BIRC6: variants seen among roughly 807,000 people sequenced by gnomAD.
BIRC6 encodes the protein dual E2 ubiquitin-conjugating enzyme/E3 ubiquitin-protein ligase BIRC6.
BIRC6 carries 98 observed loss-of-function variants against 503.3 expected under a neutral mutation model. The observed-to-expected ratio is 0.19, with a 90% CI of 0.17 to 0.23. The LOEUF is 0.23. Ranked by LOEUF, BIRC6 falls within the 10% of genes least tolerant of loss-of-function variation. The probability of loss-of-function intolerance (pLI) is 1.00; values close to 1 mark genes in which losing one functional copy is unlikely to be tolerated. For synonymous variants in BIRC6, 2,240 were observed against 2,078.7 expected (o/e 1.08, Z -2.11); for missense variants, 5,360 against 5,806.0 (o/e 0.92, Z 2.50).
In BIRC6 at chr2:32,578,979, A is replaced by AATATATATATATAT. The variant is rs1407258691; in HGVS notation, c.13355+3624_13355+3625insTATATATATATATA. On this transcript the variant is annotated intron_variant, in intron 66 of 73. Transcript: ENST00000421745. ...GTTTACTACTTATTTTTATATACCTAATATATATATACACTTAATATATAT... is the reference window on the plus strand; with the variant it reads ...GTTTACTACTTATTTTTATATACCTAATATATATATATATATATATATATACACTTAATATATAT... Among the ~76,000 whole-genome samples the AATATATATATATAT allele has an allele frequency of 4.1e-3, 301 of 74,314 alleles. 37 individuals are homozygous for AATATATATATATAT. The highest frequency in any genetic ancestry group is 0.013 in the African/African-American group (209 of 16,554). The allele number at this position is 74,314 out of a possible 152,430, so 48.8% of individuals were successfully genotyped here.
At chr2:32,462,358 AAG>A (rs1302958112) in intron 23 of BIRC6, among the ~76,000 whole-genome samples, 1 of 152,256 alleles carries the variant, frequency 6.6e-6, no homozygotes, top group Non-Finnish European at 1.5e-5. Context: ...ACAATGCAGA[AAG>A]AATTATTTAT....
chr2:32,435,377 G>C, intron 13 of BIRC6, 119 bp from the exon 14 acceptor site: 1 of 1,136,888 alleles, frequency 8.8e-7, no homozygotes, highest in Non-Finnish European at 1.2e-6. Context: ...CAAGTTAACA[G>C]GAAATTTTAG....
chr2:32,455,468 A>G (rs1245512727), intron 23 of BIRC6, among the ~76,000 whole-genome samples: 4 of 151,892 alleles, frequency 2.6e-5, no homozygotes, highest in South Asian at 2.1e-4. Context: ...TAAAAATACA[A>G]AAAGTATTGC....
At chr2:32,368,175 C>T (rs558258095) in intron 1 of BIRC6, among the ~76,000 whole-genome samples, 283 of 152,052 alleles carry the variant, frequency 1.9e-3, no homozygotes, top group Non-Finnish European at 3.4e-3. Flanking sequence ...GCAGCCCAGG[C>T]ATACTGTTTT....
chr2:32,477,505 A>G lies in BIRC6; in HGVS notation c.6990A>G (p.Ser2330=), dbSNP rs1034256867. The G allele has an allele frequency of 6.2e-7, 1 of 1,613,888 alleles. No homozygotes were observed. Among genetic ancestry groups the G allele is most frequent in the African/African-American group, 1.3e-5 (1 of 74,932 alleles). ...PFTLAHERCI[S]VVQKLVLFLL... ...CTCTGGCCCATGAGCGTTGTATCTC[A>G]GTAGTCCAGAAACTTGTTCTGTTTC... Residue 2330 remains serine (S), a synonymous_variant, in exon 35 of 74, where the codon TCA becomes TCG. Coordinates refer to ENST00000421745, the MANE Select transcript of BIRC6 (RefSeq NM_016252.4).
chr2:32,443,499 A>G lies in BIRC6; in HGVS notation c.4247A>G (p.Lys1416Arg), dbSNP rs191734239. 5.6e-6 allele frequency: 9 copies of G among 1,602,648 alleles called. No individual in the cohort carries two copies. Among genetic ancestry groups the G allele is most frequent in the Non-Finnish European group, 7.7e-6 (9 of 1,175,090 alleles). ...TTTTAAAAATTTTTCAGTAATGGCA[A>G]ATGTGACCCATGTCAACCAGCATTT... Reference protein sequence around the residue: ...RFLALCISNGKCDPCQPAFGP... With the variant: ...RFLALCISNGRCDPCQPAFGP... Residue 1416 changes from lysine (K) to arginine (R), a missense_variant, in exon 20 of 74, where the codon AAA becomes AGA. By Grantham distance (26) the Lys-to-Arg change is conservative. This residue lies in a region of BIRC6 where 2,299 missense variants were observed against 2,267.2 expected (regional missense o/e 1.01). Coordinates refer to ENST00000421745, the MANE Select transcript of BIRC6 (RefSeq NM_016252.4).
At chr2:32,504,088 T>TG (rs1166919977) in intron 49 of BIRC6, among the ~76,000 whole-genome samples, 5 of 136,818 alleles carry the variant, frequency 3.7e-5, no homozygotes, top group African/African-American at 1.4e-4. Context: ...TTAGTAGAGA[T>TG]GGGGTTTCAC....
chr2:32,389,719 G>A (rs2038962322), intron 4 of BIRC6, among the ~76,000 whole-genome samples: 1 of 152,058 alleles, frequency 6.6e-6, no homozygotes, highest in South Asian at 2.1e-4. Flanking sequence ...TTTTTGAGAC[G>A]GAGTTTCACT....
chr2:32,511,741 CTGATT>C (rs1369051839), intron 53 of BIRC6, among the ~76,000 whole-genome samples: 1 of 151,660 alleles, frequency 6.6e-6, no homozygotes, highest in African/African-American at 2.4e-5. Flanking sequence ...AGATTTCTTC[CTGATT>C]TATGTTACTT....
chr2:32,577,625 A>G (rs775049848), intron 66 of BIRC6, among the ~76,000 whole-genome samples: 26 of 152,194 alleles, frequency 1.7e-4, no homozygotes, highest in Non-Finnish European at 4.4e-5. Flanking sequence ...TTCTTATTGC[A>G]GGAAATTTGG....
At chr2:32,579,616 G>A (rs1460767980) in intron 66 of BIRC6, among the ~76,000 whole-genome samples, 1 of 152,066 alleles carries the variant, frequency 6.6e-6, no homozygotes, top group East Asian at 1.9e-4. Context: ...TTGAGACTAG[G>A]ATTTTGAGGT....
chr2:32,361,336 C>G (rs1195665816), intron 1 of BIRC6, among the ~76,000 whole-genome samples: 2 of 152,112 alleles, frequency 1.3e-5, no homozygotes, highest in Non-Finnish European at 2.9e-5. Context: ...TAAACACATT[C>G]CTTGACTTTT....
rs2062183429 is a variant in BIRC6, at chr2:32,603,169, A to G, written c.14070+86A>G. On this transcript the variant is annotated intron_variant, in intron 71 of 73. Coordinates refer to ENST00000421745, the MANE Select transcript of BIRC6 (RefSeq NM_016252.4). Reference sequence around the variant, plus strand: ...AAATTTTTAGTGACCAAGAATAAATATAGTAAACCTAAAAAAAGATAGATT... The same window carrying G: ...AAATTTTTAGTGACCAAGAATAAATGTAGTAAACCTAAAAAAAGATAGATT... 3.2e-6 allele frequency: 3 copies of G among 940,144 alleles called. No individual in the cohort carries two copies. In the Admixed American group the frequency reaches 8.7e-5, roughly 27 times the overall value. 58.2% of individuals were successfully genotyped at this position (940,144 alleles called of 1,614,324 possible).
chr2:32,511,173 ATATT>A (rs1370695861), intron 53 of BIRC6, among the ~76,000 whole-genome samples: 1 of 145,710 alleles, frequency 6.9e-6, no homozygotes, highest in African/African-American at 2.5e-5. Context: ...CATTGGCTAA[ATATT>A]TAGTGATTTT....
intron 44 of BIRC6, among the ~76,000 whole-genome samples, chr2:32,492,228 C>T (rs933482147): frequency 6.6e-6 from 1 of 151,934 alleles, no homozygotes; most frequent in Non-Finnish European, 1.5e-5. Context: ...CCTCAACAGC[C>T]CAGTTTCTCT....
intron 5 of BIRC6, among the ~76,000 whole-genome samples, chr2:32,394,967 G>A (rs564266138): frequency 3.3e-5 from 5 of 152,114 alleles, no homozygotes; most frequent in Non-Finnish European, 5.9e-5. Context: ...TGGCTAACAC[G>A]GTGAAACCCC....
At position 32,370,224 on chromosome 2, in the gene BIRC6, G is replaced by A. The variant is rs550361684; in HGVS notation, c.326-7364G>A. 9.2e-5 allele frequency among the ~76,000 whole-genome samples: 14 copies of A among 151,868 alleles called. No individual in the cohort carries two copies. In the East Asian group the frequency reaches 2.5e-3, roughly 27 times the overall value. On this transcript the variant is annotated intron_variant, in intron 1 of 73. Coordinates refer to ENST00000421745, the MANE Select transcript of BIRC6 (RefSeq NM_016252.4). The stretch of plus-strand genomic sequence containing the variant: ...GCAAGTATCTTACACGGAGTAGTAG[G>A]TCTTTAGAGATTGAGCCCTCTCCAT...
At chr2:32,407,880 CAT>C (rs1168565403) in intron 9 of BIRC6, among the ~76,000 whole-genome samples, 5 of 151,876 alleles carry the variant, frequency 3.3e-5, no homozygotes, top group South Asian at 4.2e-4. Context: ...TTTAAAAAAA[CAT>C]AGACTGAGGA....
chr2:32,581,360 TTGAAAAC>T (rs1192722988), intron 66 of BIRC6, among the ~76,000 whole-genome samples: 1 of 152,218 alleles, frequency 6.6e-6, no homozygotes, highest in Admixed American at 6.5e-5. Flanking sequence ...GTTTTCTTGA[TTGAAAAC>T]TGAAGGAAAT....
Sources: gnomAD v4.1 joint callset for allele counts (sites outside exome capture counted in the v4.1 genomes callset) on GRCh38, gnomAD v4.1.1 for gene constraint, gnomAD v4.1.1 regional missense constraint, MANE v1.5 for transcripts, NCBI Gene and HGNC (gene_info 2026-07-23, HGNC 2026-07-21) for gene names.